ASCC3: variants seen among roughly 807,000 people sequenced by gnomAD.
ASCC3 encodes the protein ASC-1 complex subunit P200.
Under a neutral mutation model 256.3 loss-of-function variants are expected in ASCC3, and 158 were observed. That is an observed-to-expected ratio of 0.62 (90% CI 0.54 to 0.70). The LOEUF (loss-of-function observed/expected upper bound fraction) is 0.70. ASCC3 is among the 30% of genes least tolerant of loss of function. The pLI is 0.00. For synonymous variants in ASCC3, 948 were observed against 883.4 expected (o/e 1.07, Z -1.30); for missense variants, 2,259 against 2,626.0 (o/e 0.86, Z 3.05).
intron 8 of ASCC3, among the ~76,000 whole-genome samples, chr6:100,789,543 C>T (rs750441337): frequency 2.6e-5 from 4 of 151,920 alleles, no homozygotes; most frequent in Non-Finnish European, 5.9e-5. Flanking sequence ...AAATATCCTA[C>T]CCATCCACAA....
chr6:100,595,609 A>G (rs1288712498), intron 34 of ASCC3, among the ~76,000 whole-genome samples: 2 of 152,166 alleles, frequency 1.3e-5, no homozygotes, highest in Non-Finnish European at 2.9e-5. Context: ...ATTGTTCAGC[A>G]TAGCACTGAA....
At chr6:100,771,667 A>C (rs951460308) in intron 8 of ASCC3, among the ~76,000 whole-genome samples, 6 of 152,106 alleles carry the variant, frequency 3.9e-5, no homozygotes, top group African/African-American at 1.4e-4. Flanking sequence ...AATGCTCAAC[A>C]TCATTAGTCA....
chr6:100,573,382 C>T (rs534477372), intron 36 of ASCC3, among the ~76,000 whole-genome samples: 2 of 152,194 alleles, frequency 1.3e-5, no homozygotes, highest in Non-Finnish European at 2.9e-5. Flanking sequence ...TGAATTGCCC[C>T]ACCTGCTGGA....
At chr6:100,640,237 TAAA>T (rs1356128284) in intron 24 of ASCC3, among the ~76,000 whole-genome samples, 38 of 152,226 alleles carry the variant, frequency 2.5e-4, no homozygotes, top group African/African-American at 9.1e-4. Flanking sequence ...AATAAATAAA[TAAA>T]TAAACTGCAT....
rs937093472 is a variant in ASCC3 at position 100,583,456 on chromosome 6, C to T, written c.5550+6178G>A. ...ATATCCCCTTTATCATTTTTTATTG[C>T]ATCTATTTGATTCTTCTCTCTTTTC... is the stretch of plus-strand genomic sequence containing the variant. On this transcript the variant is annotated intron_variant, in intron 36 of 41. Transcript: ENST00000369162. Among the ~76,000 whole-genome samples, 18 of 152,026 alleles carry T rather than the reference C, an allele frequency of 1.2e-4. No individual in the cohort carries two copies. The South Asian group carries it at 3.1e-3, about 26-fold the overall frequency.
intron 10 of ASCC3, among the ~76,000 whole-genome samples, chr6:100,766,002 C>A (rs896259053): frequency 1.3e-5 from 2 of 152,032 alleles, no homozygotes; most frequent in African/African-American, 4.8e-5. Flanking sequence ...CTAGTTGAAA[C>A]CTAAATATTT....
chr6:100,685,936 A>G (rs1777548244), intron 13 of ASCC3, among the ~76,000 whole-genome samples: 1 of 152,210 alleles, frequency 6.6e-6, no homozygotes, highest in South Asian at 2.1e-4. Context: ...TCATCTGACC[A>G]CATTCTTATT....
intron 1 of ASCC3, among the ~76,000 whole-genome samples, chr6:100,876,669 T>C (rs1264171393): frequency 6.6e-6 from 1 of 152,206 alleles, no homozygotes; most frequent in African/African-American, 2.4e-5. Context: ...TTTACCTTAC[T>C]AATTTTTACT....
intron 10 of ASCC3, among the ~76,000 whole-genome samples, chr6:100,750,359 G>T (rs550772127): frequency 6.6e-6 from 1 of 152,076 alleles, no homozygotes; most frequent in East Asian, 1.9e-4. Flanking sequence ...TTATGTTTTT[G>T]TGGATGCCTT....
At chr6:100,862,442 G>A (rs1773270028) in intron 3 of ASCC3, among the ~76,000 whole-genome samples, 1 of 151,536 alleles carries the variant, frequency 6.6e-6, no homozygotes, top group Non-Finnish European at 1.5e-5. Context: ...TAACATATTT[G>A]GAAAAAAAAA....
intron 13 of ASCC3, among the ~76,000 whole-genome samples, chr6:100,710,033 T>C (rs1055723889): frequency 6.6e-6 from 1 of 152,170 alleles, no homozygotes; most frequent in Non-Finnish European, 1.5e-5. Context: ...CCTTACTTCT[T>C]AGGGCACGCA....
intron 10 of ASCC3, among the ~76,000 whole-genome samples, chr6:100,739,204 G>A (rs142041648): frequency 6.6e-6 from 1 of 152,282 alleles, no homozygotes; most frequent in East Asian, 1.9e-4. Context: ...ATATTCATGT[G>A]GTTTTTGTCT....
At chr6:100,592,515 C>T (rs1160936169) in intron 34 of ASCC3, among the ~76,000 whole-genome samples, 3 of 151,856 alleles carry the variant, frequency 2.0e-5, no homozygotes, top group South Asian at 2.1e-4. Context: ...TTGTGAGACA[C>T]TATAAAATAA....
chr6:100,810,445 C>T (rs896226567), intron 4 of ASCC3, among the ~76,000 whole-genome samples: 8 of 152,112 alleles, frequency 5.3e-5, no homozygotes, highest in African/African-American at 1.9e-4. Context: ...TAAAATAGTG[C>T]AAGACAAATG....
chr6:100,870,937 C>A (rs1773710544), intron 1 of ASCC3, among the ~76,000 whole-genome samples: 2 of 152,252 alleles, frequency 1.3e-5, no homozygotes, highest in South Asian at 4.2e-4. Context: ...CTGGCTGAGC[C>A]CTACCACCTT....
At chr6:100,778,154 A>T (rs1312889625) in intron 8 of ASCC3, among the ~76,000 whole-genome samples, 3 of 152,120 alleles carry the variant, frequency 2.0e-5, no homozygotes, top group African/African-American at 7.2e-5. Context: ...TGAGTGAAAA[A>T]TAGTTTTTAG....
intron 16 of ASCC3, among the ~76,000 whole-genome samples, chr6:100,656,078 T>G (rs1462102995): frequency 6.6e-6 from 1 of 151,742 alleles, no homozygotes. Flanking sequence ...TTATTTTTCT[T>G]TATAAGGAGT....
intron 34 of ASCC3, among the ~76,000 whole-genome samples, chr6:100,591,134 G>C (rs1168975444): frequency 6.6e-6 from 1 of 151,996 alleles, no homozygotes; most frequent in Non-Finnish European, 1.5e-5. Flanking sequence ...TCAATTAAGA[G>C]ATAAATAAGT....
At chr6:100,535,846 T>C (rs949525294) in intron 37 of ASCC3, among the ~76,000 whole-genome samples, 3 of 152,130 alleles carry the variant, frequency 2.0e-5, no homozygotes, top group African/African-American at 7.2e-5. Flanking sequence ...TTTAAGATGG[T>C]CAAAACGAAT....
Sources: gnomAD v4.1 joint callset for allele counts (sites outside exome capture counted in the v4.1 genomes callset) on GRCh38, gnomAD v4.1.1 for gene constraint, MANE v1.5 for transcripts, NCBI Gene and HGNC (gene_info 2026-07-23, HGNC 2026-07-21) for gene names.